Variants in FER1L6 observed in about 807,000 individuals in gnomAD.
FER1L6 encodes the protein fer-1 like family member 6, also known as fer-1-like protein 6.
A neutral mutation model predicts 219.2 loss-of-function variants in FER1L6; 177 were observed. That is an observed-to-expected ratio of 0.81 (90% confidence interval 0.71 to 0.91). FER1L6 has a LOEUF of 0.91. Ranked by LOEUF, FER1L6 falls within the 40% of genes least tolerant of loss-of-function variation. FER1L6 has a pLI of 0.00. For missense variants in FER1L6, 2,153 were observed against 2,259.9 expected (o/e 0.95, Z 0.96); for synonymous variants, 768 against 824.3 (o/e 0.93, Z 1.17).
intron 29 of FER1L6, among the ~76,000 whole-genome samples, chr8:124,070,027 T>TATA (rs540274997): frequency 3.9e-4 from 60 of 152,340 alleles, no homozygotes; most frequent in African/African-American, 1.4e-3. Context: ...AGCATATATA[T>TATA]AATTTTCCAC....
At chr8:123,953,647 G>T (rs538617679) in intron 1 of FER1L6, among the ~76,000 whole-genome samples, 1 of 152,154 alleles carries the variant, frequency 6.6e-6, no homozygotes, top group African/African-American at 2.4e-5. Flanking sequence ...GTCAGCTCCC[G>T]AAAGGAACCT....
At chr8:123,922,977 C>CA (rs1813418739) in intron 1 of FER1L6, among the ~76,000 whole-genome samples, 1 of 152,106 alleles carries the variant, frequency 6.6e-6, no homozygotes, top group African/African-American at 2.4e-5. Context: ...ATACAGCCCC[C>CA]CCCCAGACCC....
In FER1L6 at chr8:123,853,993, A is replaced by G. The variant is rs145580797; in HGVS notation, c.-8+1808A>G. On this transcript the variant is annotated intron_variant, in intron 1 of 40. Transcript: ENST00000522917. The surrounding 1 kb of genome is among the most constrained non-coding windows in gnomAD (Gnocchi z 6.6). ...GGAAGCATCAGGGACCGTGATTAGA[A>G]AGTTTACGTCTGAGTGCTGGCCCTT... 2.0e-3 allele frequency among the ~76,000 whole-genome samples: 307 copies of G among 152,212 alleles called. 1 individual carries two copies. Among genetic ancestry groups the G allele is most frequent in the African/African-American group, 6.7e-3 (277 of 41,528 alleles).
intron 14 of FER1L6, among the ~76,000 whole-genome samples, chr8:124,011,530 T>G (rs1320583649): frequency 6.6e-6 from 1 of 152,092 alleles, no homozygotes; most frequent in South Asian, 2.1e-4. Flanking sequence ...TTAAAATATT[T>G]TGTAGAGATA....
intron 12 of FER1L6, among the ~76,000 whole-genome samples, chr8:123,992,486 G>A (rs1285814157): frequency 1.3e-5 from 2 of 152,002 alleles, no homozygotes; most frequent in Non-Finnish European, 2.9e-5. Context: ...TCTAGTTTGT[G>A]TGCATAGAAG....
intron 1 of FER1L6, among the ~76,000 whole-genome samples, chr8:123,856,302 A>ATGTATGTGTG (rs1276599677): frequency 6.0e-5 from 4 of 66,892 alleles, no homozygotes; most frequent in South Asian, 6.7e-4. Flanking sequence ...GTATATATAT[A>ATGTATGTGTG]TATATATGTA....
intron 18 of FER1L6, among the ~76,000 whole-genome samples, chr8:124,025,417 A>G (rs1303197538): frequency 6.6e-6 from 1 of 152,146 alleles, no homozygotes; most frequent in African/African-American, 2.4e-5. Context: ...TTTTCCCAGT[A>G]CCATTTATTG....
At chr8:124,043,985 T>C (rs920120259) in intron 20 of FER1L6, among the ~76,000 whole-genome samples, 4 of 152,198 alleles carry the variant, frequency 2.6e-5, no homozygotes, top group Non-Finnish European at 5.9e-5. Flanking sequence ...GCCTAGCACA[T>C]TGTAGGTCCT....
rs1043412593 is a variant in FER1L6, at chr8:123,980,586, C to G, written c.1185C>G (p.Gly395=). 4.3e-6 allele frequency: 7 copies of G among 1,614,062 alleles called. No homozygotes were observed. Among genetic ancestry groups the G allele is most frequent in the Non-Finnish European group, 5.9e-6 (7 of 1,180,004 alleles). The change falls in exon 11 of 41, where the codon GGC becomes GGG. Residue 395 remains glycine (G), a synonymous_variant. Transcript: ENST00000522917. ...TTGGGGAAGGTGTGTCATTCAGGGGCAGAATCTTGGTAGAAATTGCTGTGG... is the reference window on the plus strand; with the variant it reads ...TTGGGGAAGGTGTGTCATTCAGGGGGAGAATCTTGGTAGAAATTGCTGTGG... ...EGFGEGVSFR[G]RILVEIAVEI...
At chr8:123,966,087 G>A in intron 4 of FER1L6, 26 bp downstream of exon 4, 3 of 1,613,500 alleles carry the variant, frequency 1.9e-6, no homozygotes, top group Non-Finnish European at 2.5e-6. Context: ...TTCCTGCCCA[G>A]CCTCCCCCAG....
chr8:124,070,475 C>T lies in FER1L6; in HGVS notation c.3843C>T (p.Asp1281=), dbSNP rs374546209. Residue 1281 remains aspartate (D), a synonymous_variant, in exon 30 of 41, where the codon GAC becomes GAT. Transcript: ENST00000522917. ...CTCCCTTTTCCCTAAAGATATATGACGGTGATCTCGAGAGTGAATTCAACA... is the reference window on the plus strand; with the variant it reads ...CTCCCTTTTCCCTAAAGATATATGATGGTGATCTCGAGAGTGAATTCAACA... ...IPNLAILQIY[D]GDLESEFNNF... 82 of 1,613,296 alleles carry T rather than the reference C, an allele frequency of 5.1e-5. No homozygotes were observed. Among genetic ancestry groups the T allele is most frequent in the East Asian group, 1.8e-4 (8 of 44,832 alleles).
intron 1 of FER1L6, chr8:123,925,759 CT>C (rs1288673038): frequency 6.6e-6 from 1 of 152,222 alleles, no homozygotes; most frequent in African/African-American, 2.4e-5. Context: ...GTTGTTTGGT[CT>C]TTTCCAGACA....
intron 1 of FER1L6, among the ~76,000 whole-genome samples, chr8:123,954,872 G>A (rs190697199): frequency 1.8e-3 from 274 of 152,236 alleles, no homozygotes; most frequent in African/African-American, 6.2e-3. Context: ...CTTTGCTGCC[G>A]TCTCCTCCCT....
chr8:123,966,293 A>G lies in FER1L6; in HGVS notation c.384+3A>G. The G allele has an allele frequency of 6.2e-7, 1 of 1,614,080 alleles. No homozygotes were observed. Among genetic ancestry groups the G allele is most frequent in the Non-Finnish European group, 8.5e-7 (1 of 1,179,978 alleles). ...CCAACAGCCCATTTTATAATGAAGT[A>G]AGTCATGGAGGTCACCCACAGCTTT... On this transcript the variant is annotated splice_donor_region_variant and intron_variant, in intron 5 of 40. Transcript: ENST00000522917.
intron 18 of FER1L6, 41 bp downstream of exon 18, chr8:124,023,637 G>C (rs374824791): frequency 6.2e-7 from 1 of 1,602,772 alleles, no homozygotes; most frequent in African/African-American, 1.3e-5. Flanking sequence ...GGAGATTTCT[G>C]TTTCTCTAGG....
chr8:124,114,945 A>G (rs1334212119), intron 39 of FER1L6, among the ~76,000 whole-genome samples: 2 of 127,382 alleles, frequency 1.6e-5, no homozygotes, highest in African/African-American at 5.7e-5. Context: ...TCCTTTTCCT[A>G]AAAGATTTTG....
intron 39 of FER1L6, among the ~76,000 whole-genome samples, chr8:124,110,236 T>C (rs983407815): frequency 6.6e-6 from 1 of 152,182 alleles, no homozygotes; most frequent in African/African-American, 2.4e-5. Context: ...ACACTGAATG[T>C]ATACTAATTC....
At chr8:123,908,618 A>G (rs939111975) in intron 1 of FER1L6, among the ~76,000 whole-genome samples, 1 of 152,124 alleles carries the variant, frequency 6.6e-6, no homozygotes, top group African/African-American at 2.4e-5. Context: ...TTTTTTGGTG[A>G]TATTTACTAA....
At chr8:123,959,086 C>T (rs190447248) in intron 2 of FER1L6, among the ~76,000 whole-genome samples, 39 of 152,198 alleles carry the variant, frequency 2.6e-4, no homozygotes, top group Admixed American at 3.9e-4. Flanking sequence ...AAAAGTGACA[C>T]GGTCTGGTTT....
Sources: gnomAD v4.1 joint callset for allele counts (sites outside exome capture counted in the v4.1 genomes callset) on GRCh38, gnomAD v4.1.1 for gene constraint, Gnocchi (gnomAD v3.1) non-coding constraint, MANE v1.5 for transcripts, NCBI Gene and HGNC (gene_info 2026-07-23, HGNC 2026-07-21) for gene names.